Variants in GABRB2 observed in about 807,000 individuals in gnomAD.
The protein encoded by GABRB2 is gamma-aminobutyric acid receptor subunit beta-2.
A neutral mutation model predicts 54.7 loss-of-function variants in GABRB2; 16 were observed. That is an observed-to-expected ratio of 0.29 (90% CI 0.20 to 0.44). The LOEUF (loss-of-function observed/expected upper bound fraction) is 0.44. Ranked by LOEUF, GABRB2 falls within the 20% of genes least tolerant of loss-of-function variation. The pLI, the probability that GABRB2 is intolerant of heterozygous loss-of-function variation, is 1.00. For missense variants in GABRB2, 355 were observed against 644.0 expected, an observed-to-expected ratio of 0.55 and a Z score of 4.86; for synonymous variants, 244 against 233.8, an observed-to-expected ratio of 1.04 and a Z score of -0.40.
chr5:161,432,761 C>G (rs1224457818), intron 4 of GABRB2, among the ~76,000 whole-genome samples: 1 of 152,110 alleles, frequency 6.6e-6, no homozygotes, highest in African/African-American at 2.4e-5. Context: ...ACCTCAGAGT[C>G]CTCCCCATGG....
chr5:161,339,958 AT>A lies in GABRB2; in HGVS notation c.542-3190del, dbSNP rs1008941077. 3.1e-3 allele frequency among the ~76,000 whole-genome samples: 472 copies of A among 151,322 alleles called. 5 individuals are homozygous for A. Among genetic ancestry groups the A allele is most frequent in the African/African-American group, 0.011 (448 of 41,336 alleles). ...TACATGCTATGTTTAAGAAATGTCC[AT>A]TTTTTTTTACAAAAAAATGCAGCCA... On this transcript the variant is annotated intron_variant, in intron 5 of 9. Transcript: ENST00000393959.
chr5:161,355,607 A>G (rs1182441435), intron 5 of GABRB2, among the ~76,000 whole-genome samples: 1 of 151,982 alleles, frequency 6.6e-6, no homozygotes, highest in Non-Finnish European at 1.5e-5. Context: ...TAACATTTAC[A>G]CAACAGAAAA....
At chr5:161,316,502 C>A (rs1758032891) in intron 9 of GABRB2, among the ~76,000 whole-genome samples, 1 of 152,182 alleles carries the variant, frequency 6.6e-6, no homozygotes, top group Non-Finnish European at 1.5e-5. Context: ...ACTATTCTTT[C>A]TTTTTGTTTA....
chr5:161,470,714 T>G (rs1758412246), intron 3 of GABRB2, among the ~76,000 whole-genome samples: 1 of 152,008 alleles, frequency 6.6e-6, no homozygotes, highest in African/African-American at 2.4e-5. Context: ...GCACTCAATT[T>G]ACAGTTTATG....
intron 3 of GABRB2, among the ~76,000 whole-genome samples, chr5:161,524,471 G>C (rs1018815007): frequency 8.6e-5 from 13 of 151,606 alleles, no homozygotes; most frequent in African/African-American, 3.1e-4. Flanking sequence ...GAGCAGACCT[G>C]AGCAGGAGCA....
intron 9 of GABRB2, among the ~76,000 whole-genome samples, chr5:161,315,448 T>C (rs1419133203): frequency 6.6e-6 from 1 of 152,186 alleles, no homozygotes; most frequent in Non-Finnish European, 1.5e-5. Context: ...GGTGTCTTTT[T>C]TCATTTTCTC....
chr5:161,419,153 A>C (rs1441454246), intron 4 of GABRB2, among the ~76,000 whole-genome samples: 2 of 152,150 alleles, frequency 1.3e-5, no homozygotes, highest in African/African-American at 4.8e-5. Flanking sequence ...ACAAACTAAC[A>C]AAAAAGATAT....
In GABRB2 at chr5:161,507,889, T is replaced by C. The variant is rs576787272; in HGVS notation, c.237+37338A>G. On this transcript the variant is annotated intron_variant, in intron 3 of 9. Coordinates refer to ENST00000393959, the MANE Select transcript of GABRB2 (RefSeq NM_001371727.1). ...GGATGTAGAGCAACCCAAATTTCCA[T>C]ACATCGTTGGTGACAGTGAAAATGA... is the stretch of plus-strand genomic sequence containing the variant. Among the ~76,000 whole-genome samples, 8 of 152,118 alleles carry C rather than the reference T, an allele frequency of 5.3e-5. No homozygotes were observed. The East Asian group carries it at 1.5e-3, about 29-fold the overall frequency.
At chr5:161,447,297 T>C (rs1437533668) in intron 4 of GABRB2, among the ~76,000 whole-genome samples, 1 of 152,174 alleles carries the variant, frequency 6.6e-6, no homozygotes, top group Non-Finnish European at 1.5e-5. Context: ...TTTTGTGTTG[T>C]CTGGCCTCAT....
At chr5:161,367,713 C>T (rs996045043) in intron 5 of GABRB2, among the ~76,000 whole-genome samples, 18 of 151,932 alleles carry the variant, frequency 1.2e-4, no homozygotes, top group African/African-American at 3.9e-4. Context: ...CTCTAAAACA[C>T]GGCAAAAAAA....
chr5:161,544,193 C>T (rs1015245170), intron 3 of GABRB2, among the ~76,000 whole-genome samples: 8 of 152,044 alleles, frequency 5.3e-5, no homozygotes, highest in Non-Finnish European at 8.8e-5. Context: ...TATACTATAC[C>T]CCTTTATTTA....
chr5:161,528,214 C>A (rs1302065950), intron 3 of GABRB2, among the ~76,000 whole-genome samples: 3 of 151,770 alleles, frequency 2.0e-5, no homozygotes, highest in Admixed American at 6.6e-5. Context: ...CATTTTATTT[C>A]ATGTGCATTC....
At chr5:161,318,038 G>T (rs1758095062) in intron 9 of GABRB2, among the ~76,000 whole-genome samples, 1 of 151,910 alleles carries the variant, frequency 6.6e-6, no homozygotes, top group Non-Finnish European at 1.5e-5. Flanking sequence ...AGTACTGCTG[G>T]TGTTTTTTTT....
intron 4 of GABRB2, among the ~76,000 whole-genome samples, chr5:161,443,046 C>T (rs577204515): frequency 6.6e-6 from 1 of 152,224 alleles, no homozygotes; most frequent in East Asian, 1.9e-4. Flanking sequence ...CTGATGTTCT[C>T]CTGAACATAA....
chr5:161,352,413 A>G (rs981317567), intron 5 of GABRB2, among the ~76,000 whole-genome samples: 3 of 152,050 alleles, frequency 2.0e-5, no homozygotes, highest in African/African-American at 7.2e-5. Flanking sequence ...GACAACATGA[A>G]TGAACCTAGA....
intron 3 of GABRB2, among the ~76,000 whole-genome samples, chr5:161,490,915 A>G (rs555770110): frequency 2.0e-5 from 3 of 151,694 alleles, no homozygotes; most frequent in Non-Finnish European, 3.0e-5. Flanking sequence ...GTTAATGCCA[A>G]TTGAGAGATT....
At chr5:161,428,546 A>G (rs1194892914) in intron 4 of GABRB2, among the ~76,000 whole-genome samples, 1 of 152,174 alleles carries the variant, frequency 6.6e-6, no homozygotes, top group Admixed American at 6.6e-5. Context: ...TGAATAGGAT[A>G]ATGTATAAAC....
At chr5:161,468,957 T>C (rs998551986) in intron 3 of GABRB2, among the ~76,000 whole-genome samples, 3 of 151,938 alleles carry the variant, frequency 2.0e-5, no homozygotes, top group Non-Finnish European at 4.4e-5. Flanking sequence ...ATTTATGACA[T>C]GAACAGATGT....
chr5:161,365,473 T>C (rs1754945090), intron 5 of GABRB2, among the ~76,000 whole-genome samples: 1 of 152,222 alleles, frequency 6.6e-6, no homozygotes, highest in Non-Finnish European at 1.5e-5. Context: ...ATTTCACATA[T>C]GTATGGGGTA....
Sources: gnomAD v4.1 joint callset for allele counts (sites outside exome capture counted in the v4.1 genomes callset) on GRCh38, gnomAD v4.1.1 for gene constraint, MANE v1.5 for transcripts, NCBI Gene and HGNC (gene_info 2026-07-23, HGNC 2026-07-21) for gene names.